LOXHD1: variants seen among roughly 807,000 people sequenced by gnomAD.
LOXHD1 encodes the protein lipoxygenase homology PLAT domains 1.
LOXHD1 carries 205 observed loss-of-function variants against 248.2 expected under a neutral mutation model. That is an observed-to-expected ratio of 0.83 (90% confidence interval 0.74 to 0.93). LOXHD1 has a LOEUF of 0.93. LOXHD1 is among the 40% of genes least tolerant of loss of function. LOXHD1 has a pLI of 0.00. For missense variants in LOXHD1, 2,930 were observed against 2,971.6 expected, an observed-to-expected ratio of 0.99 and a Z score of 0.33; for synonymous variants, 1,113 against 1,162.8, an observed-to-expected ratio of 0.96 and a Z score of 0.87.
Position 46,524,521 on chromosome 18 carries a change from A to T in LOXHD1, c.4821T>A (p.Asp1607Glu), listed in dbSNP as rs1256225808. ...GCCCGGTCACTGTGCTGATGTCGAC[A>T]TCGGCCATCTTGGAGCTCAGGGCGA... ...WEIALSSKMA[D>E]VDISTVTGPM... Residue 1607 changes from aspartate to glutamate, a missense_variant, in exon 31 of 41, where the codon GAT becomes GAA. Physicochemically the swap from Asp to Glu is conservative, Grantham distance 45. Transcript: ENST00000642948. 3 of 1,551,734 alleles carry T rather than the reference A, an allele frequency of 1.9e-6. No individual in the cohort carries two copies. Among genetic ancestry groups the T allele is most frequent in the Non-Finnish European group, 2.6e-6 (3 of 1,146,998 alleles).
Position 46,577,980 on chromosome 18 carries a change from C to T in LOXHD1, c.1810-113G>A, listed in dbSNP as rs553249947. 4.2e-4 allele frequency: 481 copies of T among 1,137,008 alleles called. 4 individuals are homozygous for T. The South Asian group carries it at 6.3e-3, about 15-fold the overall frequency. The allele number at this position is 1,137,008 out of a possible 1,614,324, so 70.4% of individuals were successfully genotyped here. A position where few individuals can be genotyped will look rare whatever the true frequency, so the allele number is the denominator to read the frequency against. On this transcript the variant is annotated intron_variant, in intron 13 of 40. Transcript: ENST00000642948. The stretch of plus-strand genomic sequence containing the variant: ...AATCCAGAGCTGATGGGTTAGGCAA[C>T]TCCTCTTTCACACATGGGACAGGAG...
chr18:46,585,216 C>G (rs1397707625), intron 12 of LOXHD1, among the ~76,000 whole-genome samples: 1 of 151,940 alleles, frequency 6.6e-6, no homozygotes, highest in Non-Finnish European at 1.5e-5. Context: ...GGCAAGTAGG[C>G]AAGCAAATAT....
chr18:46,505,846 T>C lies in LOXHD1; in HGVS notation c.5870A>G (p.Asp1957Gly), dbSNP rs1373850862. The change falls in exon 37 of 41, where the codon GAC (aspartate) becomes GGC (glycine). Residue 1957 changes from aspartate (D) to glycine (G), a missense_variant. Asp to Gly is a moderately conservative substitution (Grantham distance 94, BLOSUM62 -1). Coordinates refer to ENST00000642948, the MANE Select transcript of LOXHD1 (RefSeq NM_001384474.1). ...CCTTGAGTGGGAGCTACCTTTGTTG[T>C]CGTGCCAGACCCTCAGCTTGCAGAG... ...GHLCKLRVWH[D>G]NKGIFPGWHL... The C allele has an allele frequency of 1.3e-6, 2 of 1,551,576 alleles. No homozygotes were observed. Among genetic ancestry groups the C allele is most frequent in the African/African-American group, 1.4e-5 (1 of 73,032 alleles).
Position 46,560,290 on chromosome 18 carries a change from C to G in LOXHD1, c.2854G>C (p.Gly952Arg), listed in dbSNP as rs1316673609. The change falls in exon 19 of 41, where the codon GGG becomes CGG. Residue 952 changes from glycine to arginine, a missense_variant. Physicochemically the swap from Gly to Arg is moderately radical, Grantham distance 125 (BLOSUM62 -2). Transcript: ENST00000642948. ...GATGAGGACGACTCCTCTTCCTCCC[C>G]CTCGTCCTCTTCGTCGCTGCCCTTC... is the stretch of plus-strand genomic sequence containing the variant. ...KRKGSDEEDEGEEEESSSSEE... is the reference protein window; with the variant it reads ...KRKGSDEEDEREEEESSSSEE... The G allele has an allele frequency of 1.2e-5, 18 of 1,549,594 alleles. No individual in the cohort carries two copies. Among genetic ancestry groups the G allele is most frequent in the Non-Finnish European group, 1.5e-5 (17 of 1,144,904 alleles).
intron 12 of LOXHD1, among the ~76,000 whole-genome samples, chr18:46,584,245 G>A (rs1425688554): frequency 3.3e-5 from 5 of 152,060 alleles, no homozygotes; most frequent in Non-Finnish European, 7.4e-5. Context: ...GGGGAGGAGA[G>A]GATGGGGAGA....
chr18:46,557,774 T>C (rs758907921), intron 20 of LOXHD1: 51 of 1,024,122 alleles, frequency 5.0e-5, no homozygotes, highest in Non-Finnish European at 6.5e-5. Flanking sequence ...GAAGAGAAGA[T>C]AGGTTTGCTG....
At chr18:46,620,739 G>A (rs1218866184) in intron 4 of LOXHD1, among the ~76,000 whole-genome samples, 5 of 152,172 alleles carry the variant, frequency 3.3e-5, no homozygotes, top group African/African-American at 2.4e-5. Context: ...ATGTGGAAAC[G>A]CTAAAGGTCC....
intron 1 of LOXHD1, among the ~76,000 whole-genome samples, chr18:46,650,173 A>G (rs1367044512): frequency 6.6e-6 from 1 of 152,170 alleles, no homozygotes; most frequent in Non-Finnish European, 1.5e-5. Flanking sequence ...TGTCTCCAAA[A>G]TAATTCCTTG....
At chr18:46,601,545 G>C (rs1020055532) in intron 7 of LOXHD1, 78 bp from the exon 8 acceptor site, 54 of 1,542,260 alleles carry the variant, frequency 3.5e-5, no homozygotes, top group Non-Finnish European at 4.7e-5. Flanking sequence ...CCCCTTCCTG[G>C]TTACAACACC....
rs571872960 is a variant in LOXHD1 at position 46,601,694 on chromosome 18, G to A, written c.884-227C>T. On this transcript the variant is annotated intron_variant, in intron 7 of 40. Transcript: ENST00000642948. ...ATGCATCTGAGTTTGAGAATAAACC[G>A]CACGTATTATTACAGGAAGCTGTCA... 52 of 557,292 alleles carry A rather than the reference G, an allele frequency of 9.3e-5. 2 individuals are homozygous for A. In the South Asian group the frequency reaches 9.5e-4, roughly 10 times the overall value. 34.5% of individuals were successfully genotyped at this position (557,292 alleles called of 1,614,324 possible).
At chr18:46,585,970 G>A (rs2038051424) in intron 12 of LOXHD1, among the ~76,000 whole-genome samples, 1 of 152,144 alleles carries the variant, frequency 6.6e-6, no homozygotes, top group South Asian at 2.1e-4. Flanking sequence ...GGATGTTTAT[G>A]GCAGCATTAT....
At chr18:46,644,476 G>T (rs960343600) in intron 2 of LOXHD1, among the ~76,000 whole-genome samples, 1 of 152,176 alleles carries the variant, frequency 6.6e-6, no homozygotes, top group Non-Finnish European at 1.5e-5. Context: ...ACAGTGCCTC[G>T]AGAGGCCAAG....
At chr18:46,637,762 T>C (rs2038911367) in intron 4 of LOXHD1, among the ~76,000 whole-genome samples, 1 of 152,162 alleles carries the variant, frequency 6.6e-6, no homozygotes, top group Admixed American at 6.6e-5. Flanking sequence ...TACCAAATGT[T>C]GGCAAGGGTG....
rs188666577 is a variant in LOXHD1, at chr18:46,522,027, C to T, written c.5085+74G>A. The T allele has an allele frequency of 0.011, 13,275 of 1,174,310 alleles. 188 individuals are homozygous for T. Among genetic ancestry groups the T allele is most frequent in the Non-Finnish European group, 0.014 (12,059 of 840,920 alleles). 72.7% of individuals were successfully genotyped at this position (1,174,310 alleles called of 1,614,324 possible). A position where few individuals can be genotyped will look rare whatever the true frequency, so the allele number is the denominator to read the frequency against. On this transcript the variant is annotated intron_variant, in intron 32 of 40. Coordinates refer to ENST00000642948, the MANE Select transcript of LOXHD1 (RefSeq NM_001384474.1). Reference sequence around the variant, plus strand: ...CTGTTCTTCCCACCCTGCACTCTCCCGCCCACCCAGGAACTGGTCAGCTCT... The same window carrying T: ...CTGTTCTTCCCACCCTGCACTCTCCTGCCCACCCAGGAACTGGTCAGCTCT...
At position 46,608,041 on chromosome 18, in the gene LOXHD1, G is replaced by GAAGGAAGGAAGGAAAC. The variant is rs1371628133; in HGVS notation, c.759+2734_759+2735insGTTTCCTTCCTTCCTT. ...ACAAACACGGAAGGAAGGAGGGAAG[G>GAAGGAAGGAAGGAAAC]AAGGAAGGAAGGAAGGAAGGAAGGA... On this transcript the variant is annotated intron_variant, in intron 6 of 40. Transcript: ENST00000642948. Among the ~76,000 whole-genome samples, 8 of 143,642 alleles carry GAAGGAAGGAAGGAAAC rather than the reference G, an allele frequency of 5.6e-5. No individual in the cohort carries two copies. In the South Asian group the frequency reaches 7.3e-4, roughly 13 times the overall value. 94.2% of individuals were successfully genotyped at this position (143,642 alleles called of 152,430 possible). A position where few individuals can be genotyped will look rare whatever the true frequency, so the allele number is the denominator to read the frequency against.
At chr18:46,614,584 G>A (rs1013759195) in intron 5 of LOXHD1, among the ~76,000 whole-genome samples, 1 of 152,118 alleles carries the variant, frequency 6.6e-6, no homozygotes, top group Non-Finnish European at 1.5e-5. Flanking sequence ...TGTTGGGAGT[G>A]GGGAGGGATA....
chr18:46,536,922 C>T (rs1407682686), intron 26 of LOXHD1, among the ~76,000 whole-genome samples: 1 of 152,206 alleles, frequency 6.6e-6, no homozygotes, highest in African/African-American at 2.4e-5. Context: ...AGGCTCCTGG[C>T]TCTTCTCCTT....
chr18:46,518,278 T>G (rs1380144411), intron 33 of LOXHD1, 22 bp from the exon 34 acceptor site: 1 of 1,549,376 alleles, frequency 6.5e-7, no homozygotes, highest in Non-Finnish European at 8.7e-7. Flanking sequence ...GGAATGCAGG[T>G]GCTGAGTCTC....
intron 33 of LOXHD1, among the ~76,000 whole-genome samples, chr18:46,519,611 A>G (rs1039686920): frequency 6.6e-6 from 1 of 152,152 alleles, no homozygotes; most frequent in South Asian, 2.1e-4. Flanking sequence ...ACTGGGAACA[A>G]AAGTGCGAGC....
Sources: allele counts gnomAD v4.1 joint callset (sites outside exome capture counted in the v4.1 genomes callset), GRCh38; gene constraint gnomAD v4.1.1; transcripts MANE v1.5; gene names NCBI Gene and HGNC (gene_info 2026-07-23, HGNC 2026-07-21).